The following DNAH9 variants were observed in gnomAD, a reference collection of about 807,000 sequenced individuals.
DNAH9 encodes the protein DNAH9 variant protein.
In DNAH9, 345 loss-of-function variants were observed where a neutral mutation model predicts 471.6. The ratio of observed to expected loss-of-function variants is 0.73; its 90% CI spans 0.67 to 0.80. DNAH9 has a LOEUF of 0.80. Ranked by LOEUF, DNAH9 falls within the 30% of genes least tolerant of loss-of-function variation. The pLI, the probability that DNAH9 is intolerant of heterozygous loss-of-function variation, is 0.00. For missense variants in DNAH9, 5,407 were observed against 5,609.2 expected (o/e 0.96, Z 1.15); for synonymous variants, 2,093 against 2,123.6 (o/e 0.99, Z 0.40).
In DNAH9 at chr17:11,610,518, C is replaced by G. The variant is rs2072612630; in HGVS notation, c.737C>G (p.Pro246Arg). 1 of 1,612,860 alleles carries G rather than the reference C, an allele frequency of 6.2e-7. No homozygotes were observed. The highest frequency in any genetic ancestry group is 8.5e-7 in the Non-Finnish European group (1 of 1,179,968). ...CAGCCACTCTTACAAGGGGAGAATC[C>G]CACCCCTAAGGTGGAGTTGGAGTTC... is the stretch of plus-strand genomic sequence containing the variant. ...SSQPLLQGENPTPKVELEFWK... is the reference protein window; with the variant it reads ...SSQPLLQGENRTPKVELEFWK... The change falls in exon 3 of 69, where the codon CCC becomes CGC. Residue 246 changes from proline (P) to arginine (R), a missense_variant. Around this residue, in one of 3 missense-constraint regions of DNAH9, gnomAD observed 767 missense variants for 692.5 expected, o/e 1.11. Transcript: ENST00000262442.
rs1967074497 is a variant in DNAH9 at position 11,749,800 on chromosome 17, T to C, written c.6610+2034T>C. ...TAAATTGCATATGTATATTGAGATC[T>C]GATTCTGGGCTTTCTATTCTGTTTG... On this transcript the variant is annotated intron_variant, in intron 32 of 68. Transcript: ENST00000262442. 2.6e-5 allele frequency among the ~76,000 whole-genome samples: 4 copies of C among 152,170 alleles called. No individual in the cohort carries two copies. In the South Asian group the frequency reaches 8.3e-4, roughly 32 times the overall value.
intron 19 of DNAH9, among the ~76,000 whole-genome samples, chr17:11,684,746 T>G (rs2074207605): frequency 6.6e-6 from 1 of 152,158 alleles, no homozygotes; most frequent in African/African-American, 2.4e-5. Flanking sequence ...TGAAGATATC[T>G]TCCATGGGGT....
chr17:11,900,449 A>G lies in DNAH9; in HGVS notation c.11407-2270A>G, dbSNP rs1024845097. Among the ~76,000 whole-genome samples, 53 of 145,832 alleles carry G rather than the reference A, an allele frequency of 3.6e-4. No individual in the cohort carries two copies. In the Middle Eastern group the frequency reaches 0.015, roughly 41 times the overall value. ...TGCAGCAATCACGCTGCTTCCTGTC[A>G]GGCCCCACACTCTCCCTCCTCCAGG... On this transcript the variant is annotated intron_variant, in intron 59 of 68. Coordinates refer to ENST00000262442, the MANE Select transcript of DNAH9 (RefSeq NM_001372.4).
At chr17:11,651,755 C>A (rs1373829810) in intron 13 of DNAH9, among the ~76,000 whole-genome samples, 1 of 152,188 alleles carries the variant, frequency 6.6e-6, no homozygotes. Flanking sequence ...GCGCAGGGTA[C>A]TGTGTGACAA....
At chr17:11,865,129 A>T (rs1235525882) in intron 50 of DNAH9, among the ~76,000 whole-genome samples, 1 of 152,138 alleles carries the variant, frequency 6.6e-6, no homozygotes, top group Admixed American at 6.5e-5. Context: ...AATGGTCTTT[A>T]TATTTTGGCA....
chr17:11,662,714 G>A (rs577122305), intron 14 of DNAH9, among the ~76,000 whole-genome samples: 45 of 137,630 alleles, frequency 3.3e-4, no homozygotes, highest in African/African-American at 1.2e-3. Flanking sequence ...CCACTAATTT[G>A]CTGATGGATC....
At chr17:11,806,628 T>A (rs1265480726) in intron 43 of DNAH9, among the ~76,000 whole-genome samples, 1 of 151,020 alleles carries the variant, frequency 6.6e-6, no homozygotes, top group African/African-American at 2.4e-5. Context: ...AAAATACACA[T>A]AACAGAAATA....
chr17:11,805,401 A>T (rs939798626), intron 43 of DNAH9, among the ~76,000 whole-genome samples: 5 of 151,926 alleles, frequency 3.3e-5, no homozygotes, highest in Non-Finnish European at 7.4e-5. Flanking sequence ...CACCCTACTT[A>T]ATTTGAATAT....
intron 20 of DNAH9, 29 bp from the exon 21 acceptor site, chr17:11,693,839 G>C (rs1349800351): frequency 1.4e-5 from 22 of 1,613,850 alleles, no homozygotes; most frequent in Non-Finnish European, 1.8e-5. Context: ...TGGAGTGGTG[G>C]TTAATTGCTT....
intron 14 of DNAH9, among the ~76,000 whole-genome samples, chr17:11,655,631 AC>A (rs2073626531): frequency 8.5e-6 from 1 of 117,576 alleles, no homozygotes; most frequent in Non-Finnish European, 1.8e-5. Flanking sequence ...ACACACACAC[AC>A]CATGTATATA....
chr17:11,865,389 G>A (rs1369715908), intron 50 of DNAH9, among the ~76,000 whole-genome samples: 8 of 151,764 alleles, frequency 5.3e-5, no homozygotes, highest in Admixed American at 2.0e-4. Flanking sequence ...CGAGAGATCC[G>A]CTGTTAGTCT....
Position 11,609,815 on chromosome 17 carries a change from G to A in DNAH9, c.615-581G>A, listed in dbSNP as rs553565883. ...GGAACAATGAGGACCAAGTGAAATCGTGATGGTGATCTTCAGGTGGCTGAT... is the reference window on the plus strand; with the variant it reads ...GGAACAATGAGGACCAAGTGAAATCATGATGGTGATCTTCAGGTGGCTGAT... On this transcript the variant is annotated intron_variant, in intron 2 of 68. Coordinates refer to ENST00000262442, the MANE Select transcript of DNAH9 (RefSeq NM_001372.4). 9.2e-5 allele frequency among the ~76,000 whole-genome samples: 14 copies of A among 152,330 alleles called. No individual in the cohort carries two copies. The South Asian group carries it at 1.5e-3, about 16-fold the overall frequency.
At chr17:11,778,373 GAAAA>G (rs1245652764) in intron 38 of DNAH9, among the ~76,000 whole-genome samples, 2 of 105,432 alleles carry the variant, frequency 1.9e-5, no homozygotes, top group Admixed American at 9.9e-5. Context: ...GAAAAGGGAA[GAAAA>G]AAAAGAGAAA....
At chr17:11,630,765 G>A (rs765710692) in intron 7 of DNAH9, among the ~76,000 whole-genome samples, 20 of 152,250 alleles carry the variant, frequency 1.3e-4, no homozygotes, top group Non-Finnish European at 2.2e-4. Flanking sequence ...CGCCAAAAGG[G>A]TAGATCCTAA....
chr17:11,748,197 C>T (rs1231900414), intron 32 of DNAH9, among the ~76,000 whole-genome samples: 1 of 146,032 alleles, frequency 6.8e-6, no homozygotes, highest in Non-Finnish European at 1.5e-5. Flanking sequence ...CGTGGTGGTG[C>T]ACATCTGTAG....
At chr17:11,873,205 T>G (rs1972350280) in intron 52 of DNAH9, among the ~76,000 whole-genome samples, 1 of 152,210 alleles carries the variant, frequency 6.6e-6, no homozygotes, top group African/African-American at 2.4e-5. Context: ...GAACCATCAT[T>G]AACTGAGTGA....
rs1353333314 is a variant in DNAH9 at position 11,654,374 on chromosome 17, A to AAAAAAAAAG, written c.2595+1376_2595+1377insAAAAGAAAA. On this transcript the variant is annotated intron_variant, in intron 14 of 68. Transcript: ENST00000262442. ...CCGTCTCAAAAAAAAAAAAAAAAAAAAAAAGTTTAAAATCGATCTATCATC... is the reference window on the plus strand; with the variant it reads ...CCGTCTCAAAAAAAAAAAAAAAAAAAAAAAAAAAGAAAAGTTTAAAATCGATCTATCATC... Among the ~76,000 whole-genome samples the AAAAAAAAAG allele has an allele frequency of 6.9e-5, 4 of 57,760 alleles. 1 individual carries two copies. The highest frequency in any genetic ancestry group is 1.7e-4 in the Non-Finnish European group (4 of 24,158). The allele number at this position is 57,760 out of a possible 152,430, so 37.9% of individuals were successfully genotyped here.
In DNAH9 at chr17:11,608,239, A is replaced by G. The variant is rs749688653; in HGVS notation, c.528A>G (p.Ile176Met). The G allele has an allele frequency of 1.2e-6, 2 of 1,613,982 alleles. No homozygotes were observed. The highest frequency in any genetic ancestry group is 4.5e-5 in the East Asian group (2 of 44,892). The change falls in exon 2 of 69, where the codon ATA becomes ATG. Residue 176 changes from isoleucine to methionine, a missense_variant. Ile to Met is a conservative substitution (Grantham distance 10). Coordinates refer to ENST00000262442, the MANE Select transcript of DNAH9 (RefSeq NM_001372.4). The part of the protein sequence containing the change: ...AHSLQCDLSV[I>M]LEQVKGKTLL... ...GCCTCCAATGTGACCTCTCAGTTAT[A>G]CTTGAGCAAGTGAAGGGAAAAACTT...
chr17:11,845,368 G>GT (rs1971185928), intron 49 of DNAH9, among the ~76,000 whole-genome samples: 1 of 149,204 alleles, frequency 6.7e-6, no homozygotes, highest in African/African-American at 2.5e-5. Flanking sequence ...GTATTCCATG[G>GT]TGTATATGTG....
Sources: allele counts gnomAD v4.1 joint callset (sites outside exome capture counted in the v4.1 genomes callset), GRCh38; gene constraint gnomAD v4.1.1; regional missense constraint gnomAD v4.1.1; transcripts MANE v1.5; gene names NCBI Gene and HGNC (gene_info 2026-07-23, HGNC 2026-07-21).